The following RADIL variants were observed in gnomAD, a reference collection of about 807,000 sequenced individuals.
The protein encoded by RADIL is Rap associating with DIL domain, also known as ras-associating and dilute domain-containing protein.
RADIL carries 99 observed loss-of-function variants against 97.6 expected under a neutral mutation model. That is an observed-to-expected ratio of 1.01 (90% CI 0.86 to 1.20). RADIL has a LOEUF of 1.20. Among genes scored for constraint, RADIL ranks in the 50% most tolerant of loss-of-function variants. RADIL has a pLI of 0.00. For synonymous variants in RADIL, 803 were observed against 691.8 expected, an observed-to-expected ratio of 1.16 and a Z score of -2.52; for missense variants, 1,765 against 1,498.9, an observed-to-expected ratio of 1.18 and a Z score of -2.93.
chr7:4,868,187 C>A (rs559973738), intron 2 of RADIL, among the ~76,000 whole-genome samples: 3 of 152,034 alleles, frequency 2.0e-5, no homozygotes, highest in African/African-American at 7.2e-5. Flanking sequence ...CTCAGCCTCC[C>A]GAGTAGCTGG....
At chr7:4,806,624 C>T (rs777952627) in intron 9 of RADIL, among the ~76,000 whole-genome samples, 2 of 152,218 alleles carry the variant, frequency 1.3e-5, no homozygotes, top group African/African-American at 2.4e-5. Context: ...GGCTCCCAGC[C>T]GGTTCTTATT....
intron 2 of RADIL, among the ~76,000 whole-genome samples, chr7:4,838,983 G>A (rs1335120208): frequency 2.6e-5 from 4 of 152,014 alleles, no homozygotes; most frequent in East Asian, 1.9e-4. Flanking sequence ...ATTCAGCACC[G>A]CTTGAGTTAG....
chr7:4,862,137 G>A (rs1784030039), intron 2 of RADIL: 1 of 307,540 alleles, frequency 3.3e-6, no homozygotes, highest in African/African-American at 2.2e-5. Context: ...GCTATACATG[G>A]GGGTGGGCAG....
chr7:4,847,755 A>C (rs1049387745), intron 2 of RADIL, among the ~76,000 whole-genome samples: 3 of 150,322 alleles, frequency 2.0e-5, no homozygotes, highest in Admixed American at 6.6e-5. Flanking sequence ...AAAAAAAAAA[A>C]AAAAAAAAAA....
Position 4,873,807 on chromosome 7 carries a change from T to C in RADIL, c.535+3798A>G, listed in dbSNP as rs1784307618. ...GCAGAGCTCACCATCACCGGAGGTA[T>C]GTAATGGAGAGGACACGGTGGGTGT... is the stretch of plus-strand genomic sequence containing the variant. On this transcript the variant is annotated intron_variant, in intron 2 of 14. Transcript: ENST00000399583. The surrounding 1 kb of genome is among the most constrained non-coding windows in gnomAD (Gnocchi z 4.3). Among the ~76,000 whole-genome samples the C allele has an allele frequency of 1.3e-5, 2 of 152,300 alleles. No homozygotes were observed. Among genetic ancestry groups the C allele is most frequent in the South Asian group, 4.1e-4 (2 of 4,830 alleles).
Position 4,798,537 on chromosome 7 carries a change from C to A in RADIL, c.*841G>T. 1.3e-5 allele frequency: 2 copies of A among 152,728 alleles called. No homozygotes were observed. Among genetic ancestry groups the A allele is most frequent in the South Asian group, 3.9e-4 (2 of 5,136 alleles). The allele number at this position is 152,728 out of a possible 1,614,324, so 9.5% of individuals were successfully genotyped here. ...GAGGATGCCCAGCGACCCACGCTGTCACCCCGAGGCAGCAAGTGCCCTGCC... is the reference window on the plus strand; with the variant it reads ...GAGGATGCCCAGCGACCCACGCTGTAACCCCGAGGCAGCAAGTGCCCTGCC... On this transcript the variant is annotated 3_prime_UTR_variant, in exon 15 of 15. Transcript: ENST00000399583.
At chr7:4,802,257 C>T (rs772398341) in intron 11 of RADIL, among the ~76,000 whole-genome samples, 6 of 152,204 alleles carry the variant, frequency 3.9e-5, no homozygotes, top group Non-Finnish European at 8.8e-5. Flanking sequence ...CAACCCTTCT[C>T]CTGTCCTCCC....
chr7:4,859,313 G>A (rs1178052805), intron 2 of RADIL: 1 of 152,834 alleles, frequency 6.5e-6, no homozygotes, highest in Non-Finnish European at 1.5e-5. Context: ...TCAGTATAAG[G>A]AATTCTGATA....
rs548251052 is a variant in RADIL, at chr7:4,846,123, CTTTTTTT to C, written c.536-9525_536-9519del. The stretch of plus-strand genomic sequence containing the variant: ...TCTTTTGTTCCAGAGCTACAATCTT[CTTTTTTT>C]TTTTTTTTTTTTTTTAAAGAGACGG... On this transcript the variant is annotated intron_variant, in intron 2 of 14. Transcript: ENST00000399583. Among the ~76,000 whole-genome samples the C allele has an allele frequency of 7.6e-3, 1,091 of 143,654 alleles. 13 individuals carry two copies. Among genetic ancestry groups the C allele is most frequent in the Middle Eastern group, 0.033 (9 of 274 alleles). The allele number at this position is 143,654 out of a possible 152,430, so 94.2% of individuals were successfully genotyped here.
chr7:4,878,190 G>A lies in RADIL; in HGVS notation c.-51C>T. 1 of 1,466,088 alleles carries A rather than the reference G, an allele frequency of 6.8e-7. No homozygotes were observed. Among genetic ancestry groups the A allele is most frequent in the Non-Finnish European group, 9.0e-7 (1 of 1,108,542 alleles). The allele number at this position is 1,466,088 out of a possible 1,614,324, so 90.8% of individuals were successfully genotyped here. On this transcript the variant is annotated 5_prime_UTR_variant, in exon 2 of 15. Coordinates refer to ENST00000399583, the MANE Select transcript of RADIL (RefSeq NM_018059.5). The surrounding 1 kb of genome is among the most constrained non-coding windows in gnomAD (Gnocchi z 4.1). Reference sequence around the variant, plus strand: ...ACTGTGGGCTTCAGCCAAAGGATGTGGGGAGGCCGTGACCTGGGTGAAAAA... The same window carrying A: ...ACTGTGGGCTTCAGCCAAAGGATGTAGGGAGGCCGTGACCTGGGTGAAAAA...
rs1178696374 is a variant in RADIL, at chr7:4,880,435, G to C, written c.-64-2232C>G. 6.6e-6 allele frequency among the ~76,000 whole-genome samples: 1 copy of C among 152,114 alleles called. No homozygotes were observed. Among genetic ancestry groups the C allele is most frequent in the African/African-American group, 2.4e-5 (1 of 41,412 alleles). On this transcript the variant is annotated intron_variant, in intron 1 of 14. Coordinates refer to ENST00000399583, the MANE Select transcript of RADIL (RefSeq NM_018059.5). This position sits in a 1 kb window ranked among gnomAD's most constrained non-coding sequence, Gnocchi z 4.5. The stretch of plus-strand genomic sequence containing the variant: ...GCGGCTTCCAATCGCCCTCTAGTCT[G>C]ACCTCAGTCTCCTGTGGTCAGTTTT...
Position 4,837,187 on chromosome 7 carries a change from G to A in RADIL, c.536-582C>T, listed in dbSNP as rs1245811051. 6.6e-6 allele frequency among the ~76,000 whole-genome samples: 1 copy of A among 152,132 alleles called. No individual in the cohort carries two copies. Among genetic ancestry groups the A allele is most frequent in the Non-Finnish European group, 1.5e-5 (1 of 68,016 alleles). ...CAAATCCTCAGGCTGAGGGGACCAC[G>A]CCTCCCCTGCAGCAGCCCAGGGTCA... On this transcript the variant is annotated intron_variant, in intron 2 of 14. Transcript: ENST00000399583. This position sits in a 1 kb window ranked among gnomAD's most constrained non-coding sequence, Gnocchi z 5.6.
At chr7:4,862,887 A>C (rs2115036314) in intron 2 of RADIL, among the ~76,000 whole-genome samples, 1 of 148,884 alleles carries the variant, frequency 6.7e-6, no homozygotes, top group Non-Finnish European at 1.5e-5. Context: ...ACAAGAGTGA[A>C]ACTCTGTCTC....
intron 2 of RADIL, among the ~76,000 whole-genome samples, chr7:4,868,118 A>C (rs531671044): frequency 1.3e-5 from 2 of 152,132 alleles, no homozygotes; most frequent in Admixed American, 1.3e-4. Context: ...GCTGGAGTGC[A>C]GTGGCATGAT....
chr7:4,823,569 G>A (rs951958522), intron 5 of RADIL, among the ~76,000 whole-genome samples: 1 of 152,146 alleles, frequency 6.6e-6, no homozygotes, highest in African/African-American at 2.4e-5. Flanking sequence ...GGGGTTGGGG[G>A]GGCGCCCTTC....
chr7:4,807,374 T>C (rs757331941), intron 9 of RADIL, among the ~76,000 whole-genome samples: 11 of 152,014 alleles, frequency 7.2e-5, no homozygotes, highest in Non-Finnish European at 1.6e-4. Context: ...TGTGAGTTCC[T>C]AGAACCTTCT....
intron 12 of RADIL, 67 bp from the exon 13 acceptor site, chr7:4,800,377 C>A (rs2115150130): frequency 7.2e-7 from 1 of 1,388,796 alleles, no homozygotes; most frequent in South Asian, 1.6e-5. Context: ...AATGGGATGT[C>A]CTGGCCTGGC....
At chr7:4,881,648 A>G (rs896700577) in intron 1 of RADIL, among the ~76,000 whole-genome samples, 1 of 146,856 alleles carries the variant, frequency 6.8e-6, no homozygotes, top group African/African-American at 2.5e-5. Flanking sequence ...AATCGCTTGA[A>G]CCCCAGAGGC....
chr7:4,802,180 C>G lies in RADIL; in HGVS notation c.2500-185G>C, dbSNP rs577454682. 1.0e-3 allele frequency among the ~76,000 whole-genome samples: 155 copies of G among 152,348 alleles called. 1 individual carries two copies. The highest frequency in any genetic ancestry group is 1.1e-3 in the Non-Finnish European group (77 of 68,018). On this transcript the variant is annotated intron_variant, in intron 11 of 14. Transcript: ENST00000399583. Reference sequence around the variant, plus strand: ...AGGGGCTTCCCCGCCATCCGGAGCACAGCCTGCGCTGGGCCAGGACTCCCG... The same window carrying G: ...AGGGGCTTCCCCGCCATCCGGAGCAGAGCCTGCGCTGGGCCAGGACTCCCG...
Sources: gnomAD v4.1 joint callset for allele counts (sites outside exome capture counted in the v4.1 genomes callset) on GRCh38, gnomAD v4.1.1 for gene constraint, Gnocchi (gnomAD v3.1) non-coding constraint, MANE v1.5 for transcripts, NCBI Gene and HGNC (gene_info 2026-07-23, HGNC 2026-07-21) for gene names.